DDX55: variants seen among roughly 807,000 people sequenced by gnomAD.
DDX55 encodes the protein DEAD-box helicase 55, also known as ATP-dependent RNA helicase DDX55.
In DDX55, 56 loss-of-function variants were observed where a neutral mutation model predicts 69.2. That is an observed-to-expected ratio of 0.81 (90% confidence interval 0.65 to 1.01). DDX55 has a LOEUF of 1.01. Ranked by LOEUF, DDX55 falls within the 50% of genes least tolerant of loss-of-function variation. The pLI, the probability that DDX55 is intolerant of heterozygous loss-of-function variation, is 0.00. For missense variants in DDX55, 720 were observed against 745.1 expected, an observed-to-expected ratio of 0.97 and a Z score of 0.39; for synonymous variants, 268 against 273.1, an observed-to-expected ratio of 0.98 and a Z score of 0.18.
chr12:123,612,018 A>C (rs946124275), intron 7 of DDX55, among the ~76,000 whole-genome samples: 1 of 152,224 alleles, frequency 6.6e-6, no homozygotes, highest in African/African-American at 2.4e-5. Context: ...AATGTTCATG[A>C]TAGTGCTTAG....
At chr12:123,602,444 G>C (rs967660412) in intron 1 of DDX55, among the ~76,000 whole-genome samples, 188 bp downstream of exon 1, 1 of 152,216 alleles carries the variant, frequency 6.6e-6, no homozygotes, top group African/African-American at 2.4e-5. Flanking sequence ...AGCCGGCAGA[G>C]GGGCCGCGAC....
At position 123,610,082 on chromosome 12, in the gene DDX55, C is replaced by G; in HGVS notation, c.695C>G (p.Ala232Gly). Residue 232 changes from alanine to glycine, a missense_variant, in exon 7 of 14, where the codon GCC becomes GGC. Ala to Gly is a moderately conservative substitution (Grantham distance 60). Transcript: ENST00000238146. Reference sequence around the variant, plus strand: ...TCAGTGAAGGAGAAGGGCGTGGCAGCCAGCAGTGCCCAGAAGACCCCCTCC... The same window carrying G: ...TCAGTGAAGGAGAAGGGCGTGGCAGGCAGCAGTGCCCAGAAGACCCCCTCC... ...RVSVKEKGVA[A>G]SSAQKTPSRL... 1.2e-6 allele frequency: 2 copies of G among 1,614,124 alleles called. No homozygotes were observed. The highest frequency in any genetic ancestry group is 1.7e-6 in the Non-Finnish European group (2 of 1,180,028).
At chr12:123,614,806 G>A in intron 8 of DDX55, among the ~76,000 whole-genome samples, 1 of 152,160 alleles carries the variant, frequency 6.6e-6, no homozygotes, top group Non-Finnish European at 1.5e-5. Flanking sequence ...ACGGAAAGCA[G>A]AAATGTTTTT....
At position 123,620,113 on chromosome 12, in the gene DDX55, G is replaced by C. The variant is rs1161877481; in HGVS notation, c.1776G>C (p.Gly592=). 1.9e-6 allele frequency: 3 copies of C among 1,613,802 alleles called. No homozygotes were observed. The highest frequency in any genetic ancestry group is 2.5e-6 in the Non-Finnish European group (3 of 1,179,886). ...GKRTIKTVDL[G]ISDLEDDC ...GAACAATCAAGACAGTGGATTTAGG[G>C]ATCTCAGATTTGGAAGATGACTGCT... The change falls in exon 14 of 14, where the codon GGG becomes GGC. Residue 592 remains glycine (G), a synonymous_variant. Coordinates refer to ENST00000238146, the MANE Select transcript of DDX55 (RefSeq NM_020936.3).
chr12:123,610,117 A>G lies in DDX55; in HGVS notation c.730A>G (p.Asn244Asp), dbSNP rs1380676353. 4 of 1,613,454 alleles carry G rather than the reference A, an allele frequency of 2.5e-6. No homozygotes were observed. Among genetic ancestry groups the G allele is most frequent in the African/African-American group, 1.3e-5 (1 of 74,864 alleles). ...SAQKTPSRLE[N>D]YYMVCKADEK... The stretch of plus-strand genomic sequence containing the variant: ...CCAGAAGACCCCCTCCCGCCTGGAA[A>G]ACTACTACATGGTAAGCGCCTGGGC... The change falls in exon 7 of 14, where the codon AAC becomes GAC. Residue 244 changes from asparagine to aspartate, a missense_variant. Asn to Asp is a conservative substitution (Grantham distance 23). Coordinates refer to ENST00000238146, the MANE Select transcript of DDX55 (RefSeq NM_020936.3).
chr12:123,609,977 G>T lies in DDX55; in HGVS notation c.590G>T (p.Arg197Ile). The T allele has an allele frequency of 1.2e-6, 2 of 1,614,156 alleles. No homozygotes were observed. Among genetic ancestry groups the T allele is most frequent in the Non-Finnish European group, 1.7e-6 (2 of 1,180,026 alleles). ...CTGGAGTTTTTGCCAAAGCAGAGGA[G>T]AACAGGCCTTTTCTCTGCCACTCAG... is the stretch of plus-strand genomic sequence containing the variant. ...TILEFLPKQR[R>I]TGLFSATQTQ... The change falls in exon 7 of 14, where the codon AGA (arginine) becomes ATA (isoleucine). Residue 197 changes from arginine to isoleucine, a missense_variant. Physicochemically the swap from Arg to Ile is moderately conservative, Grantham distance 97 (BLOSUM62 -3). Coordinates refer to ENST00000238146, the MANE Select transcript of DDX55 (RefSeq NM_020936.3).
At chr12:123,618,530 T>C (rs190872201) in intron 11 of DDX55, 139 bp from the exon 12 acceptor site, 2 of 1,534,250 alleles carry the variant, frequency 1.3e-6, no homozygotes, top group Non-Finnish European at 8.8e-7. Context: ...ATGTGAAATA[T>C]TTGGGTTGGA....
chr12:123,619,225 G>A (rs1007489942), intron 12 of DDX55, among the ~76,000 whole-genome samples: 2 of 152,232 alleles, frequency 1.3e-5, no homozygotes, highest in East Asian at 1.9e-4. Context: ...GGATGGTCTC[G>A]ATCTCCTGAC....
rs952707396 is a variant in DDX55, at chr12:123,613,240, T to C, written c.812T>C (p.Leu271Pro). ...CGCAATCATAAGCAGGAGAAACACC[T>C]GGTCTTCTTCAGGTACTCCTCTGGT... is the stretch of plus-strand genomic sequence containing the variant. ...FLRNHKQEKH[L>P]VFFSTCACVE... is the part of the protein sequence containing the mutation. The change falls in exon 8 of 14, where the codon CTG (leucine) becomes CCG (proline). Residue 271 changes from leucine to proline, a missense_variant. Physicochemically the swap from Leu to Pro is moderately conservative, Grantham distance 98 (BLOSUM62 -3). Coordinates refer to ENST00000238146, the MANE Select transcript of DDX55 (RefSeq NM_020936.3). 4 of 1,614,032 alleles carry C rather than the reference T, an allele frequency of 2.5e-6. No individual in the cohort carries two copies. The African/African-American group carries it at 5.3e-5, about 22-fold the overall frequency.
Position 123,617,764 on chromosome 12 carries a change from C to T in DDX55, c.1056C>T (p.Phe352=), listed in dbSNP as rs544307114. Residue 352 remains phenylalanine, a synonymous_variant, in exon 11 of 14, where the codon TTC becomes TTT. Transcript: ENST00000238146. ...QYDPPSNASA[F]VHRCGRTARI... ...CCACCCTGTGTTCTCACAGTGCCTTCGTGCATCGCTGCGGTCGCACAGCTC... is the reference window on the plus strand; with the variant it reads ...CCACCCTGTGTTCTCACAGTGCCTTTGTGCATCGCTGCGGTCGCACAGCTC... The T allele has an allele frequency of 1.7e-5, 27 of 1,611,440 alleles. No homozygotes were observed. Among genetic ancestry groups the T allele is most frequent in the Non-Finnish European group, 1.8e-5 (21 of 1,178,946 alleles).
intron 1 of DDX55, among the ~76,000 whole-genome samples, chr12:123,603,785 T>G (rs1023101908): frequency 6.6e-6 from 1 of 151,962 alleles, no homozygotes; most frequent in African/African-American, 2.4e-5. Context: ...GTTCTTTTTT[T>G]TGTTTTTTGT....
Position 123,609,025 on chromosome 12 carries a change from T to C in DDX55, c.551+196T>C, listed in dbSNP as rs559238403. On this transcript the variant is annotated intron_variant, in intron 6 of 13. Transcript: ENST00000238146. ...GCTGGAGTGCAGTGGTGTGATTATG[T>C]TCACTGCAGCCTCAACCTCTCGGGC... 2.1e-4 allele frequency among the ~76,000 whole-genome samples: 32 copies of C among 152,240 alleles called. 1 individual carries two copies. The highest frequency in any genetic ancestry group is 7.2e-4 in the African/African-American group (30 of 41,546).
In DDX55 at chr12:123,616,553, T is replaced by G. The variant is rs770873656; in HGVS notation, c.999T>G (p.Asp333Glu). 1.2e-6 allele frequency: 2 copies of G among 1,614,172 alleles called. No individual in the cohort carries two copies. The highest frequency in any genetic ancestry group is 1.7e-6 in the Non-Finnish European group (2 of 1,180,024). The stretch of plus-strand genomic sequence containing the variant: ...CTGATGTGATGGCCCGGGGAATTGA[T>G]ATTCCTGAAGTCAACTGGGTTTTGC... ...VCTDVMARGI[D>E]IPEVNWVLQY... Residue 333 changes from aspartate (D) to glutamate (E), a missense_variant, in exon 10 of 14, where the codon GAT (aspartate) becomes GAG (glutamate). Transcript: ENST00000238146.
chr12:123,609,390 T>G (rs576635901), intron 6 of DDX55, among the ~76,000 whole-genome samples: 2 of 151,390 alleles, frequency 1.3e-5, no homozygotes, highest in African/African-American at 4.8e-5. Flanking sequence ...TTTTTTTTTT[T>G]TTGAGACAGG....
At position 123,613,254 on chromosome 12, in the gene DDX55, T is replaced by C. The variant is rs915773122; in HGVS notation, c.824+2T>C. ...GGAGAAACACCTGGTCTTCTTCAGGTACTCCTCTGGTCTCTGTGGTAGAGG... is the reference window on the plus strand; with the variant it reads ...GGAGAAACACCTGGTCTTCTTCAGGCACTCCTCTGGTCTCTGTGGTAGAGG... On this transcript the variant is annotated splice_donor_variant, in intron 8 of 13. Transcript: ENST00000238146. LOFTEE classifies it high-confidence loss of function. The C allele has an allele frequency of 6.8e-6, 11 of 1,614,014 alleles. No homozygotes were observed. Among genetic ancestry groups the C allele is most frequent in the Middle Eastern group, 1.6e-4 (1 of 6,082 alleles).
In DDX55 at chr12:123,620,633, CTT is replaced by C. The variant is rs1955075393; in HGVS notation, c.*498_*499del. On this transcript the variant is annotated 3_prime_UTR_variant, in exon 14 of 14. Transcript: ENST00000238146. ...ATATATATATATATATATATAAGCT[CTT>C]TTTTCTGAGGCTATTTTATAGTTAT... The C allele has an allele frequency of 1.2e-5, 1 of 81,360 alleles. No individual in the cohort carries two copies. Among genetic ancestry groups the C allele is most frequent in the Non-Finnish European group, 2.5e-5 (1 of 40,192 alleles). The allele number at this position is 81,360 out of a possible 1,614,324, so 5.0% of individuals were successfully genotyped here. A position where few individuals can be genotyped will look rare whatever the true frequency, so the allele number is the denominator to read the frequency against.
At position 123,602,157 on chromosome 12, in the gene DDX55, T is replaced by C. The variant is rs370700497; in HGVS notation, c.9T>C (p.His3=). ...CGGCGAAGGAGCGCGCCATGGAGCA[T>C]GTGACAGAGGGCTCCTGGGAGTCGC... is the stretch of plus-strand genomic sequence containing the variant. The part of the protein sequence containing the change: ME[H]VTEGSWESLP... The change falls in exon 1 of 14, where the codon CAT becomes CAC. Residue 3 remains histidine (H), a synonymous_variant. Coordinates refer to ENST00000238146, the MANE Select transcript of DDX55 (RefSeq NM_020936.3). The C allele has an allele frequency of 1.6e-5, 25 of 1,556,424 alleles. No homozygotes were observed. The highest frequency in any genetic ancestry group is 2.2e-5 in the Non-Finnish European group (25 of 1,152,284).
Position 123,608,683 on chromosome 12 carries a change from G to T in DDX55, c.405G>T (p.Gly135=), listed in dbSNP as rs1452293738. The T allele has an allele frequency of 3.7e-6, 6 of 1,612,584 alleles. 1 individual carries two copies. The South Asian group carries it at 6.6e-5, about 18-fold the overall frequency. The part of the protein sequence containing the change: ...EDVERFKQQG[G]NIIVATPGRL... ...AATGTTAACTTTCTTTCCAAAGTGG[G>T]AACATCATTGTGGCCACTCCAGGCC... Residue 135 remains glycine (G), a synonymous_variant, in exon 6 of 14, where the codon GGG becomes GGT. Coordinates refer to ENST00000238146, the MANE Select transcript of DDX55 (RefSeq NM_020936.3).
At position 123,619,724 on chromosome 12, in the gene DDX55, G is replaced by A; in HGVS notation, c.1626G>A (p.Glu542=). ...TGAATGAGAAAAGGAAAAGGGAAGA[G>A]GTAAAGTTTACTTTTACTTACATTA... is the stretch of plus-strand genomic sequence containing the variant. ...KKMNEKRKRE[E]GSDIEDEDME... Residue 542 remains glutamate, a splice_region_variant and synonymous_variant, in exon 13 of 14, where the codon GAG becomes GAA. Transcript: ENST00000238146. 3 of 1,552,652 alleles carry A rather than the reference G, an allele frequency of 1.9e-6. No individual in the cohort carries two copies. Among genetic ancestry groups the A allele is most frequent in the Admixed American group, 2.1e-5 (1 of 46,726 alleles).
Sources: gnomAD v4.1 joint callset for allele counts (sites outside exome capture counted in the v4.1 genomes callset) on GRCh38, gnomAD v4.1.1 for gene constraint, MANE v1.5 for transcripts, NCBI Gene and HGNC (gene_info 2026-07-23, HGNC 2026-07-21) for gene names.